Variants in LAMA4 observed in about 807,000 individuals in gnomAD.
The protein encoded by LAMA4 is laminin subunit alpha 4, also known as laminin subunit alpha-4.
LAMA4 carries 127 observed loss-of-function variants against 207.1 expected under a neutral mutation model. The observed-to-expected ratio is 0.61, with a 90% CI of 0.53 to 0.71. The LOEUF (loss-of-function observed/expected upper bound fraction) is 0.71. Ranked by LOEUF, LAMA4 falls within the 30% of genes least tolerant of loss-of-function variation. The pLI is 0.00. For synonymous variants in LAMA4, 761 were observed against 816.0 expected, an observed-to-expected ratio of 0.93 and a Z score of 1.15; for missense variants, 2,093 against 2,246.5, an observed-to-expected ratio of 0.93 and a Z score of 1.38.
chr6:112,158,133 G>C (rs1583750333), intron 14 of LAMA4: 1 of 153,816 alleles, frequency 6.5e-6, no homozygotes, highest in African/African-American at 2.4e-5. Flanking sequence ...CATTAATTGA[G>C]TGTCCAAGAG....
At position 112,121,755 on chromosome 6, in the gene LAMA4, CTTGA is replaced by C. The variant is rs1177792400; in HGVS notation, c.4475+255_4475+258del. On this transcript the variant is annotated intron_variant, in intron 32 of 38. Transcript: ENST00000230538. Reference sequence around the variant, plus strand: ...TTGAAACTTGCTCCATCTTCCTTTCCTTGATTGTCTTTTCTTTTTGATCAAATAC... The same window carrying C: ...TTGAAACTTGCTCCATCTTCCTTTCCTTGTCTTTTCTTTTTGATCAAATAC... The C allele has an allele frequency of 3.3e-5, 13 of 398,228 alleles. No individual in the cohort carries two copies. In the Admixed American group the frequency reaches 4.5e-4, roughly 14 times the overall value. 24.7% of individuals were successfully genotyped at this position (398,228 alleles called of 1,614,324 possible).
At chr6:112,211,393 A>G (rs2115039619) in intron 3 of LAMA4, among the ~76,000 whole-genome samples, 1 of 152,316 alleles carries the variant, frequency 6.6e-6, no homozygotes, top group South Asian at 2.1e-4. Flanking sequence ...AGATTTTTGC[A>G]TTTAGGGTAG....
chr6:112,187,645 C>G (rs781897767), intron 7 of LAMA4, 44 bp from the exon 8 acceptor site: 1 of 1,601,762 alleles, frequency 6.2e-7, no homozygotes, highest in South Asian at 1.1e-5. Flanking sequence ...CAAAAGCATG[C>G]TAAAGGCAGG....
chr6:112,132,990 C>T (rs756765730), intron 27 of LAMA4, 100 bp from the exon 28 acceptor site: 327 of 1,217,038 alleles, frequency 2.7e-4, no homozygotes, highest in Non-Finnish European at 3.5e-4. Flanking sequence ...TTAATTTCTA[C>T]GTAAATAGTT....
In LAMA4 at chr6:112,122,189, T is replaced by C. The variant is rs1178983243; in HGVS notation, c.4300A>G (p.Lys1434Glu). The change falls in exon 32 of 39, where the codon AAA becomes GAA. Residue 1434 changes from lysine (K) to glutamate (E), a missense_variant. Coordinates refer to ENST00000230538, the MANE Select transcript of LAMA4 (RefSeq NM_001105206.3). ...ACAGGATCCCATGAAGGTGCATCTTTACTTTTCCCTCCCTATAAAAGTAAA... is the reference window on the plus strand; with the variant it reads ...ACAGGATCCCATGAAGGTGCATCTTCACTTTTCCCTCCCTATAAAAGTAAA... ...ASQNKKGGKS[K>E]DAPSWDPVAL... The C allele has an allele frequency of 1.2e-6, 2 of 1,613,594 alleles. No homozygotes were observed. Among genetic ancestry groups the C allele is most frequent in the East Asian group, 2.2e-5 (1 of 44,880 alleles).
chr6:112,128,263 T>C (rs1314517609), intron 31 of LAMA4, among the ~76,000 whole-genome samples: 1 of 152,264 alleles, frequency 6.6e-6, no homozygotes, highest in Non-Finnish European at 1.5e-5. Flanking sequence ...AGACTGTTCA[T>C]TGGAACAAGA....
chr6:112,176,507 T>G (rs575072423), intron 10 of LAMA4, among the ~76,000 whole-genome samples: 1 of 152,334 alleles, frequency 6.6e-6, no homozygotes, highest in African/African-American at 2.4e-5. Context: ...CCAGCGGTTA[T>G]TTTAGAGATG....
In LAMA4 at chr6:112,118,707, G is replaced by T. The variant is rs782695616; in HGVS notation, c.4821+449C>A. Among the ~76,000 whole-genome samples, 1 of 109,008 alleles carries T rather than the reference G, an allele frequency of 9.2e-6. No individual in the cohort carries two copies. Among genetic ancestry groups the T allele is most frequent in the Non-Finnish European group, 1.9e-5 (1 of 53,832 alleles). 71.5% of individuals were successfully genotyped at this position (109,008 alleles called of 152,430 possible). Reference sequence around the variant, plus strand: ...ATTTCCTTATACATTTACAAATTGTGTGTGTGTGTGTGTATGTGTGTGTGT... The same window carrying T: ...ATTTCCTTATACATTTACAAATTGTTTGTGTGTGTGTGTATGTGTGTGTGT... On this transcript the variant is annotated intron_variant, in intron 34 of 38. Transcript: ENST00000230538. The surrounding 1 kb of genome is among the most constrained non-coding windows in gnomAD (Gnocchi z 4.6).
chr6:112,239,201 G>A (rs978102374), intron 2 of LAMA4, among the ~76,000 whole-genome samples: 4 of 151,584 alleles, frequency 2.6e-5, no homozygotes, highest in South Asian at 2.1e-4. Context: ...GGCACCTGTA[G>A]TCCCAGCTAC....
At chr6:112,225,251 A>G (rs1427844991) in intron 2 of LAMA4, among the ~76,000 whole-genome samples, 2 of 152,116 alleles carry the variant, frequency 1.3e-5, no homozygotes, top group Non-Finnish European at 2.9e-5. Flanking sequence ...TAGGCACCTG[A>G]AGTTGAGTGT....
intron 15 of LAMA4, chr6:112,155,330 TA>T (rs1583740907): frequency 1.7e-6 from 1 of 580,276 alleles, no homozygotes; most frequent in Non-Finnish European, 3.0e-6. Flanking sequence ...GGACTTTGGC[TA>T]AAAAAATAAA....
intron 2 of LAMA4, among the ~76,000 whole-genome samples, chr6:112,231,218 A>G (rs1785542449): frequency 1.3e-5 from 2 of 152,174 alleles, no homozygotes; most frequent in South Asian, 4.1e-4. Flanking sequence ...GGAAAGTGCC[A>G]TTGTCATCAA....
At chr6:112,241,404 G>A (rs1337748242) in intron 2 of LAMA4, among the ~76,000 whole-genome samples, 1 of 151,732 alleles carries the variant, frequency 6.6e-6, no homozygotes, top group East Asian at 1.9e-4. Flanking sequence ...CTTGTCAACT[G>A]CTAAGACTAC....
In LAMA4 at chr6:112,234,542, C is replaced by T. The variant is rs187917563; in HGVS notation, c.196-18073G>A. The T allele has an allele frequency of 2.7e-5, 4 of 150,814 alleles. No individual in the cohort carries two copies. The South Asian group carries it at 6.3e-4, about 24-fold the overall frequency. The allele number at this position is 150,814 out of a possible 1,614,324, so 9.3% of individuals were successfully genotyped here. ...CTGATTCATGACTTTGAGGAGAAAG[C>T]GCATTTTCTAGATAAACATGAGCTT... On this transcript the variant is annotated intron_variant, in intron 2 of 38. Coordinates refer to ENST00000230538, the MANE Select transcript of LAMA4 (RefSeq NM_001105206.3).
intron 38 of LAMA4, among the ~76,000 whole-genome samples, chr6:112,109,920 C>T (rs1486631078): frequency 6.6e-6 from 1 of 152,172 alleles, no homozygotes; most frequent in African/African-American, 2.4e-5. Flanking sequence ...TTCACCTGGG[C>T]CTCACTTATA....
At chr6:112,202,139 T>C (rs578243821) in intron 4 of LAMA4, among the ~76,000 whole-genome samples, 161 of 152,322 alleles carry the variant, frequency 1.1e-3, no homozygotes, top group Middle Eastern at 6.8e-3. Context: ...ATTTCTTTCA[T>C]GTGTACTTTA....
chr6:112,205,395 G>A (rs1374581016), intron 4 of LAMA4, among the ~76,000 whole-genome samples: 5 of 152,066 alleles, frequency 3.3e-5, no homozygotes, highest in Non-Finnish European at 5.9e-5. Context: ...ATACTGGGCT[G>A]GTAAATGAAT....
intron 3 of LAMA4, among the ~76,000 whole-genome samples, chr6:112,212,632 A>G (rs965066747): frequency 1.3e-5 from 2 of 152,170 alleles, no homozygotes; most frequent in African/African-American, 4.8e-5. Flanking sequence ...TTCTTTCAGA[A>G]CTTCAGTTAT....
At chr6:112,215,513 G>C (rs1411654741) in intron 3 of LAMA4, among the ~76,000 whole-genome samples, 2 of 133,274 alleles carry the variant, frequency 1.5e-5, no homozygotes, top group African/African-American at 6.8e-5. Context: ...AAATACTCTT[G>C]TAGTTTTGGA....
Sources: allele counts gnomAD v4.1 joint callset (sites outside exome capture counted in the v4.1 genomes callset), GRCh38; gene constraint gnomAD v4.1.1; non-coding constraint Gnocchi (gnomAD v3.1); transcripts MANE v1.5; gene names NCBI Gene and HGNC (gene_info 2026-07-23, HGNC 2026-07-21).